Variants in ERC1 observed in about 807,000 individuals in gnomAD.
ERC1 encodes ELKS/RAB6-interacting/CAST family member 1.
A neutral mutation model predicts 132.0 loss-of-function variants in ERC1; 56 were observed. The ratio of observed to expected loss-of-function variants is 0.42; its 90% confidence interval spans 0.34 to 0.53. The LOEUF (loss-of-function observed/expected upper bound fraction) is 0.53. Among genes scored for constraint, ERC1 ranks in the 20% least tolerant of loss-of-function variants. The pLI, the probability that ERC1 is intolerant of heterozygous loss-of-function variation, is 0.03. For missense variants in ERC1, 1,202 were observed against 1,349.9 expected (o/e 0.89, Z 1.72); for synonymous variants, 478 against 476.1 (o/e 1.00, Z -0.05).
intron 16 of ERC1, among the ~76,000 whole-genome samples, chr12:1,386,258 C>T (rs920708751): frequency 2.0e-5 from 3 of 149,636 alleles, no homozygotes; most frequent in East Asian, 2.1e-4. Context: ...AGGCTGGTCT[C>T]GAACTCCTGA....
chr12:994,965 G>A (rs1397185862), intron 1 of ERC1, among the ~76,000 whole-genome samples: 1 of 152,198 alleles, frequency 6.6e-6, no homozygotes. Flanking sequence ...GGGTGGTGGC[G>A]CGTGCCTGGA....
chr12:1,448,780 A>G (rs1404802090), intron 18 of ERC1, among the ~76,000 whole-genome samples: 1 of 152,242 alleles, frequency 6.6e-6, no homozygotes, highest in African/African-American at 2.4e-5. Flanking sequence ...GCCCCTACAC[A>G]GTCCCCACTG....
chr12:1,110,129 T>G, intron 4 of ERC1, 63 bp from the exon 5 acceptor site: 2 of 1,352,542 alleles, frequency 1.5e-6, no homozygotes, highest in Non-Finnish European at 2.0e-6. Context: ...TTAAATATCA[T>G]GTTATTCAGC....
At chr12:1,244,497 G>GGTTTGTTT (rs71055140) in intron 13 of ERC1, 7,479 of 442,356 alleles carry the variant, frequency 0.017, 157 homozygotes, top group Non-Finnish European at 0.015. Flanking sequence ...TGTACTTAAT[G>GGTTTGTTT]GTTTGTTTGT....
At chr12:1,109,228 C>A (rs1443163005) in intron 4 of ERC1, among the ~76,000 whole-genome samples, 1 of 152,134 alleles carries the variant, frequency 6.6e-6, no homozygotes, top group Non-Finnish European at 1.5e-5. Context: ...AAATAATGTT[C>A]TGTTGGAAGG....
intron 12 of ERC1, among the ~76,000 whole-genome samples, chr12:1,197,906 T>G (rs1259549349): frequency 1.3e-5 from 2 of 151,966 alleles, no homozygotes; most frequent in African/African-American, 2.4e-5. Context: ...TGGACTATTT[T>G]TTTTGTTTTG....
chr12:1,043,251 G>A (rs961437132), intron 2 of ERC1, among the ~76,000 whole-genome samples: 1 of 151,810 alleles, frequency 6.6e-6, no homozygotes, highest in Admixed American at 6.6e-5. Flanking sequence ...CACCATATTG[G>A]TCAGGCTGGT....
chr12:1,007,726 A>G (rs1021617067), intron 1 of ERC1, among the ~76,000 whole-genome samples: 4 of 152,142 alleles, frequency 2.6e-5, no homozygotes, highest in Non-Finnish European at 5.9e-5. Context: ...AAACTAATTT[A>G]AATAAAATAA....
intron 9 of ERC1, among the ~76,000 whole-genome samples, chr12:1,181,505 A>G (rs529438217): frequency 1.4e-4 from 22 of 152,200 alleles, no homozygotes; most frequent in African/African-American, 2.4e-4. Flanking sequence ...AATTATTTAA[A>G]AAATGTATTC....
intron 14 of ERC1, among the ~76,000 whole-genome samples, chr12:1,280,814 T>TA (rs1216101744): frequency 6.6e-6 from 1 of 152,262 alleles, no homozygotes; most frequent in Non-Finnish European, 1.5e-5. Context: ...GTCCTAGGGT[T>TA]ACCAGACATA....
At chr12:1,337,100 G>A (rs899158098) in intron 15 of ERC1, among the ~76,000 whole-genome samples, 4 of 152,186 alleles carry the variant, frequency 2.6e-5, no homozygotes, top group East Asian at 1.9e-4. Flanking sequence ...ACAGGCATGA[G>A]CCACTGCTCC....
chr12:1,018,879 AG>A (rs1297319285), intron 1 of ERC1, among the ~76,000 whole-genome samples: 8 of 152,176 alleles, frequency 5.3e-5, no homozygotes, highest in Admixed American at 2.6e-4. Context: ...AATTAGACTG[AG>A]GGGCATGAAG....
chr12:1,167,856 A>G (rs73041057), intron 8 of ERC1, among the ~76,000 whole-genome samples: 3,589 of 151,768 alleles, frequency 0.024, 55 homozygotes, highest in Middle Eastern at 0.085. Flanking sequence ...ACTCGGGACT[A>G]CAGGCGCGCG....
intron 12 of ERC1, among the ~76,000 whole-genome samples, chr12:1,227,462 C>T (rs1267459990): frequency 6.6e-6 from 1 of 152,178 alleles, no homozygotes; most frequent in East Asian, 1.9e-4. Context: ...CATTTAAAGT[C>T]TTCTTTCGAG....
chr12:991,692 G>A (rs911051722), intron 1 of ERC1: 21 of 152,368 alleles, frequency 1.4e-4, no homozygotes, highest in African/African-American at 5.1e-4. Context: ...GGAGCGGAGG[G>A]GGGGAGGCTT....
intron 1 of ERC1, among the ~76,000 whole-genome samples, chr12:1,024,780 A>G (rs535465572): frequency 1.3e-4 from 20 of 151,778 alleles, no homozygotes; most frequent in African/African-American, 4.6e-4. Context: ...CCACAGCTCA[A>G]ACCACCTGTG....
intron 14 of ERC1, among the ~76,000 whole-genome samples, chr12:1,280,009 C>T (rs1042131138): frequency 6.6e-6 from 1 of 152,068 alleles, no homozygotes; most frequent in African/African-American, 2.4e-5. Context: ...TGTTTTTATA[C>T]CCTATACTCT....
intron 7 of ERC1, among the ~76,000 whole-genome samples, chr12:1,129,419 T>C (rs1948539657): frequency 6.6e-6 from 1 of 152,106 alleles, no homozygotes; most frequent in East Asian, 1.9e-4. Flanking sequence ...TACTCAGAAG[T>C]CGAAGGCGAG....
chr12:1,052,759 C>T (rs1002485982), intron 2 of ERC1, among the ~76,000 whole-genome samples: 13 of 152,078 alleles, frequency 8.5e-5, no homozygotes, highest in Admixed American at 2.0e-4. Context: ...CACCTGAGGT[C>T]GGGAGTTCAA....
Sources: allele counts gnomAD v4.1 joint callset (sites outside exome capture counted in the v4.1 genomes callset), GRCh38; gene constraint gnomAD v4.1.1; transcripts MANE v1.5; gene names NCBI Gene and HGNC (gene_info 2026-07-23, HGNC 2026-07-21).